RIMS2: variants seen among roughly 807,000 people sequenced by gnomAD.
The protein encoded by RIMS2 is regulating synaptic membrane exocytosis protein 2.
Under a neutral mutation model 174.4 loss-of-function variants are expected in RIMS2, and 59 were observed. That is an observed-to-expected ratio of 0.34 (90% CI 0.27 to 0.42). RIMS2 has a LOEUF of 0.42. Ranked by LOEUF, RIMS2 falls within the 10% of genes least tolerant of loss-of-function variation. RIMS2 has a pLI of 1.00. For synonymous variants in RIMS2, 606 were observed against 572.5 expected (o/e 1.06, Z -0.84); for missense variants, 1,620 against 1,666.3 (o/e 0.97, Z 0.48).
chr8:104,122,550 G>C (rs1375912875), intron 19 of RIMS2, among the ~76,000 whole-genome samples: 1 of 152,038 alleles, frequency 6.6e-6, no homozygotes, highest in Non-Finnish European at 1.5e-5. Flanking sequence ...AAAAAGTTTG[G>C]GATGTCAATA....
intron 1 of RIMS2, among the ~76,000 whole-genome samples, chr8:103,673,827 T>G (rs554707148): frequency 3.9e-5 from 6 of 152,224 alleles, no homozygotes; most frequent in Non-Finnish European, 8.8e-5. Context: ...CATAAAAGCT[T>G]TTTCTTTGCC....
At chr8:103,568,769 C>CAAAACATGAATGT (rs1445329052) in intron 1 of RIMS2, 2 of 1,114,840 alleles carry the variant, frequency 1.8e-6, no homozygotes, top group Non-Finnish European at 2.7e-6. Flanking sequence ...AGGAATCTAT[C>CAAAACATGAATGT]AAAACATGAA....
chr8:103,720,536 A>C (rs1453397941), intron 2 of RIMS2, among the ~76,000 whole-genome samples: 1 of 152,200 alleles, frequency 6.6e-6, no homozygotes, highest in East Asian at 1.9e-4. Context: ...TAGAAACTGA[A>C]TATAACAGTC....
chr8:103,998,047 G>A (rs2095211147), intron 17 of RIMS2: 1 of 599,948 alleles, frequency 1.7e-6, no homozygotes, highest in South Asian at 2.2e-5. Context: ...GAGGGGGCAA[G>A]CTTTCCAATA....
intron 3 of RIMS2, among the ~76,000 whole-genome samples, chr8:103,778,849 A>G (rs1019432780): frequency 6.6e-6 from 1 of 152,246 alleles, no homozygotes; most frequent in East Asian, 1.9e-4. Flanking sequence ...TAGTGGCTAT[A>G]CTAATTTATG....
chr8:103,502,540 T>C (rs1457326707), intron 1 of RIMS2, among the ~76,000 whole-genome samples: 1 of 152,140 alleles, frequency 6.6e-6, no homozygotes, highest in African/African-American at 2.4e-5. Context: ...CCTTCAGATA[T>C]GAAGAAATTA....
chr8:103,572,749 G>A (rs186215252), intron 1 of RIMS2, among the ~76,000 whole-genome samples: 2 of 151,990 alleles, frequency 1.3e-5, no homozygotes, highest in East Asian at 3.9e-4. Flanking sequence ...TTTTAATGGG[G>A]TCATTTATTT....
chr8:103,576,183 G>A (rs1455035845), intron 1 of RIMS2, among the ~76,000 whole-genome samples: 3 of 152,224 alleles, frequency 2.0e-5, no homozygotes. Flanking sequence ...ATCCCCTTTG[G>A]GACTCATTTG....
chr8:103,501,751 G>A (rs1820139015), intron 1 of RIMS2: 1 of 152,346 alleles, frequency 6.6e-6, no homozygotes, highest in African/African-American at 2.4e-5. Context: ...TAATCCTGAA[G>A]AGACTCCAGT....
At chr8:103,694,928 G>T (rs978768692) in intron 1 of RIMS2, among the ~76,000 whole-genome samples, 5 of 152,036 alleles carry the variant, frequency 3.3e-5, no homozygotes, top group Non-Finnish European at 7.4e-5. Flanking sequence ...ATTTGTTTTG[G>T]CACTGGAGTG....
chr8:104,047,542 T>C (rs998436190), intron 19 of RIMS2, among the ~76,000 whole-genome samples: 1 of 152,100 alleles, frequency 6.6e-6, no homozygotes, highest in African/African-American at 2.4e-5. Flanking sequence ...CTACCTCAAA[T>C]GGTTATTGCA....
chr8:103,513,714 A>T (rs1827677438), intron 1 of RIMS2, among the ~76,000 whole-genome samples: 1 of 152,200 alleles, frequency 6.6e-6, no homozygotes, highest in Admixed American at 6.5e-5. Context: ...GTGATGCTAT[A>T]TAAATGAAAG....
chr8:103,868,573 C>T (rs73697690), intron 3 of RIMS2, among the ~76,000 whole-genome samples: 7,325 of 151,928 alleles, frequency 0.048, 588 homozygotes, highest in African/African-American at 0.17. Context: ...GAACAAATTC[C>T]CATGTGTTAA....
intron 17 of RIMS2, among the ~76,000 whole-genome samples, chr8:103,997,463 T>C (rs531134902): frequency 6.6e-6 from 1 of 151,992 alleles, no homozygotes; most frequent in Non-Finnish European, 1.5e-5. Flanking sequence ...CTAAGATTAA[T>C]TGTTTTAGTA....
chr8:103,748,683 A>T (rs1173987054), intron 2 of RIMS2, among the ~76,000 whole-genome samples: 2 of 152,084 alleles, frequency 1.3e-5, no homozygotes. Flanking sequence ...TGTCTTCTTT[A>T]CCATCTGTTA....
chr8:103,865,444 C>T (rs1409031448), intron 3 of RIMS2, among the ~76,000 whole-genome samples: 1 of 151,772 alleles, frequency 6.6e-6, no homozygotes, highest in East Asian at 1.9e-4. Context: ...GCCACCACAC[C>T]CAGCTAATTT....
chr8:104,189,374 G>A (rs892853898), intron 19 of RIMS2, among the ~76,000 whole-genome samples: 1 of 151,786 alleles, frequency 6.6e-6, no homozygotes, highest in Non-Finnish European at 1.5e-5. Flanking sequence ...CAGAACACTA[G>A]TCTATCTTCC....
intron 19 of RIMS2, among the ~76,000 whole-genome samples, chr8:104,121,939 CAACAAGAG>C (rs1234900463): frequency 1.3e-5 from 2 of 151,960 alleles, no homozygotes; most frequent in African/African-American, 4.8e-5. Context: ...CCAGCCTGGG[CAACAAGAG>C]TGAGACTCCA....
At chr8:103,769,086 T>C in intron 3 of RIMS2, 2 of 221,582 alleles carry the variant, frequency 9.0e-6, no homozygotes, top group South Asian at 1.5e-4. Flanking sequence ...ATAATAGGAA[T>C]ATAGACTCCA....
Sources: allele counts gnomAD v4.1 joint callset (sites outside exome capture counted in the v4.1 genomes callset), GRCh38; gene constraint gnomAD v4.1.1; transcripts MANE v1.5; gene names NCBI Gene and HGNC (gene_info 2026-07-23, HGNC 2026-07-21).